The following HTRA4 variants were observed in gnomAD, a reference collection of about 807,000 sequenced individuals.
HTRA4 encodes the protein HtrA serine peptidase 4, also known as serine protease HTRA4.
A neutral mutation model predicts 49.1 loss-of-function variants in HTRA4; 46 were observed. That is an observed-to-expected ratio of 0.94 (90% confidence interval 0.74 to 1.20). The LOEUF (loss-of-function observed/expected upper bound fraction) is 1.20. Among genes scored for constraint, HTRA4 ranks in the 50% most tolerant of loss-of-function variants. The probability of loss-of-function intolerance (pLI) is 0.00; values close to 1 mark genes in which losing one functional copy is unlikely to be tolerated. For missense variants in HTRA4, 602 were observed against 636.9 expected, an observed-to-expected ratio of 0.95 and a Z score of 0.59; for synonymous variants, 261 against 264.0, an observed-to-expected ratio of 0.99 and a Z score of 0.11.
intron 8 of HTRA4, among the ~76,000 whole-genome samples, chr8:38,986,667 C>T (rs1835485997): frequency 6.6e-6 from 1 of 152,214 alleles, no homozygotes; most frequent in Non-Finnish European, 1.5e-5. Context: ...GGTTCATTAA[C>T]TTGTAGAACG....
At chr8:38,987,211 A>C (rs1835492310) in intron 8 of HTRA4, among the ~76,000 whole-genome samples, 1 of 151,972 alleles carries the variant, frequency 6.6e-6, no homozygotes. Context: ...TTCCTTTTTC[A>C]GCCTATTTTC....
Position 38,981,874 on chromosome 8 carries a change from A to C in HTRA4, c.1114+107A>C, listed in dbSNP as rs531304747. On this transcript the variant is annotated intron_variant, in intron 6 of 8. Coordinates refer to ENST00000302495, the MANE Select transcript of HTRA4 (RefSeq NM_153692.4). The stretch of plus-strand genomic sequence containing the variant: ...TTTTTTGTTTTTGTTTTTGAGACAG[A>C]ATTTTGCTCGTCATCCAGGTTGGAG... The C allele has an allele frequency of 9.0e-6, 7 of 781,112 alleles. No homozygotes were observed. The East Asian group carries it at 1.8e-4, about 20-fold the overall frequency. The allele number at this position is 781,112 out of a possible 1,614,324, so 48.4% of individuals were successfully genotyped here.
Position 38,975,027 on chromosome 8 carries a change from A to G in HTRA4, c.467-4A>G, listed in dbSNP as rs1355148413. ...CGTACTCTTGAGCCAGTATTTTTTC[A>G]TAGGGACCAGAAGCGCAGGCCCGCT... On this transcript the variant is annotated splice_region_variant and splice_polypyrimidine_tract_variant and intron_variant, in intron 1 of 8. Transcript: ENST00000302495. 6.2e-7 allele frequency: 1 copy of G among 1,613,814 alleles called. No individual in the cohort carries two copies.
At chr8:38,986,975 C>T (rs1174269188) in intron 8 of HTRA4, among the ~76,000 whole-genome samples, 1 of 152,226 alleles carries the variant, frequency 6.6e-6, no homozygotes, top group Non-Finnish European at 1.5e-5. Flanking sequence ...ATTAAGTTCT[C>T]TATAAGTTCT....
chr8:38,977,982 A>C lies in HTRA4; in HGVS notation c.801A>C (p.Arg267Ser). The C allele has an allele frequency of 6.2e-7, 1 of 1,614,116 alleles. No individual in the cohort carries two copies. Among genetic ancestry groups the C allele is most frequent in the Non-Finnish European group, 8.5e-7 (1 of 1,180,016 alleles). The part of the protein sequence containing the change: ...NAELPVLMLG[R>S]SSDLRAGEFV... Reference sequence around the variant, plus strand: ...AACTTCCTGTACTGATGCTGGGAAGATCATCTGACCTTCGGGCTGGAGAGT... The same window carrying C: ...AACTTCCTGTACTGATGCTGGGAAGCTCATCTGACCTTCGGGCTGGAGAGT... The change falls in exon 4 of 9, where the codon AGA (arginine) becomes AGC (serine). Residue 267 changes from arginine to serine, a missense_variant. Physicochemically the swap from Arg to Ser is moderately radical, Grantham distance 110. Transcript: ENST00000302495.
chr8:38,980,682 G>A (rs1014711040), intron 5 of HTRA4, among the ~76,000 whole-genome samples: 1 of 151,768 alleles, frequency 6.6e-6, no homozygotes, highest in African/African-American at 2.4e-5. Flanking sequence ...AGGTTGCAAT[G>A]AGCCAAGGTT....
In HTRA4 at chr8:38,984,813, A is replaced by G. The variant is rs1345935035; in HGVS notation, c.1268+1765A>G. 2.0e-5 allele frequency among the ~76,000 whole-genome samples: 3 copies of G among 152,132 alleles called. No homozygotes were observed. In the East Asian group the frequency reaches 5.8e-4, roughly 29 times the overall value. ...GTGGTTTGCACCTGTGGTCCCAGTT[A>G]CTTGGGGAGGTCGAGATGGGAGGAT... On this transcript the variant is annotated intron_variant, in intron 8 of 8. Coordinates refer to ENST00000302495, the MANE Select transcript of HTRA4 (RefSeq NM_153692.4).
chr8:38,975,002 C>G, intron 1 of HTRA4, 29 bp from the exon 2 acceptor site: 2 of 1,608,568 alleles, frequency 1.2e-6, no homozygotes. Flanking sequence ...TCCCTCGAGG[C>G]GTACTCTTGA....
At chr8:38,978,304 A>G (rs10100675) in intron 4 of HTRA4, among the ~76,000 whole-genome samples, 157 bp downstream of exon 4, 116,477 of 152,098 alleles carry the variant, frequency 0.77, 44,851 homozygotes, top group East Asian at 0.95. Flanking sequence ...GGCGGCATTA[A>G]ATTCTCATAG....
In HTRA4 at chr8:38,974,471, C is replaced by G. The variant is rs749398598; in HGVS notation, c.208C>G (p.Arg70Gly). The G allele has an allele frequency of 9.8e-6, 15 of 1,528,134 alleles. No homozygotes were observed. The African/African-American group carries it at 1.7e-4, about 17-fold the overall frequency. The allele number at this position is 1,528,134 out of a possible 1,614,324, so 94.7% of individuals were successfully genotyped here. ...GGTGTTCGACCTGTGCCGCTGTTGC[C>G]GCGTCTGCCCCGCGGCCGAGCGTGA... The part of the protein sequence containing the change: ...TPVFDLCRCC[R>G]VCPAAEREVC... Residue 70 changes from arginine to glycine, a missense_variant, in exon 1 of 9, where the codon CGC becomes GGC. Arg to Gly is a moderately radical substitution (Grantham distance 125, BLOSUM62 -2). Transcript: ENST00000302495.
chr8:38,981,111 G>C (rs1205233679), intron 5 of HTRA4, among the ~76,000 whole-genome samples: 1 of 111,294 alleles, frequency 9.0e-6, no homozygotes, highest in Non-Finnish European at 1.7e-5. Context: ...ACGGAGTCTC[G>C]CTAGGTCGCC....
chr8:38,975,115 T>G lies in HTRA4; in HGVS notation c.551T>G (p.Val184Gly). ...VEKVAPSVVH[V>G]QLWGRLLHGS... ...AAGGTGGCGCCATCGGTGGTTCACG[T>G]GCAGCTGTGGGGCAGGTAAAGGAGG... The change falls in exon 2 of 9, where the codon GTG becomes GGG. Residue 184 changes from valine (V) to glycine (G), a missense_variant. By Grantham distance (109) the Val-to-Gly change is moderately radical (BLOSUM62 -3). Transcript: ENST00000302495. 6.2e-7 allele frequency: 1 copy of G among 1,613,718 alleles called. No homozygotes were observed. Among genetic ancestry groups the G allele is most frequent in the Non-Finnish European group, 8.5e-7 (1 of 1,179,996 alleles).
In HTRA4 at chr8:38,974,659, A is replaced by G; in HGVS notation, c.396A>G (p.Glu132=). The G allele has an allele frequency of 7.1e-7, 1 of 1,402,818 alleles. No individual in the cohort carries two copies. Among genetic ancestry groups the G allele is most frequent in the South Asian group, 1.6e-5 (1 of 62,304 alleles). 86.9% of individuals were successfully genotyped at this position (1,402,818 alleles called of 1,614,324 possible). A position where few individuals can be genotyped will look rare whatever the true frequency, so the allele number is the denominator to read the frequency against. Residue 132 remains glutamate, a synonymous_variant, in exon 1 of 9, where the codon GAA becomes GAG. Transcript: ENST00000302495. ...TYPSMCALRA[E]NRAARRLGKV... ...CCAGCATGTGCGCGCTCCGGGCCGA[A>G]AACCGCGCCGCGCGCCGCCTGGGCA...
At chr8:38,981,119 G>T (rs1835417722) in intron 5 of HTRA4, among the ~76,000 whole-genome samples, 1 of 110,516 alleles carries the variant, frequency 9.0e-6, no homozygotes, top group Non-Finnish European at 1.7e-5. Flanking sequence ...TCGCTAGGTC[G>T]CCCAGGCCGG....
chr8:38,981,515 C>A (rs186643760), intron 5 of HTRA4, 138 bp from the exon 6 acceptor site: 3 of 632,146 alleles, frequency 4.7e-6, no homozygotes, highest in African/African-American at 1.8e-5. Context: ...CCGTTGCTCT[C>A]TTTTGAAGTA....
rs750888211 is a variant in HTRA4, at chr8:38,988,135, A to C, written c.*37A>C. 24 of 1,505,732 alleles carry C rather than the reference A, an allele frequency of 1.6e-5. No individual in the cohort carries two copies. The South Asian group carries it at 1.7e-4, about 10-fold the overall frequency. The allele number at this position is 1,505,732 out of a possible 1,614,324, so 93.3% of individuals were successfully genotyped here. ...TAAAGTGGGATTATCTAAAAAAAAA[A>C]AAACCAGTTATATCACGTGGTTTGT... On this transcript the variant is annotated 3_prime_UTR_variant, in exon 9 of 9. Transcript: ENST00000302495.
intron 2 of HTRA4, among the ~76,000 whole-genome samples, chr8:38,976,191 C>G (rs1835349041): frequency 6.6e-6 from 1 of 152,186 alleles, no homozygotes; most frequent in Non-Finnish European, 1.5e-5. Flanking sequence ...GCGGGTGGAT[C>G]ACCTGAGGTC....
At chr8:38,987,686 A>C (rs972295973) in intron 8 of HTRA4, among the ~76,000 whole-genome samples, 12 of 152,346 alleles carry the variant, frequency 7.9e-5, no homozygotes, top group Admixed American at 1.3e-4. Flanking sequence ...TGGGAGGAGT[A>C]AACTTCTCAC....
Position 38,988,643 on chromosome 8 carries a change from TA to T in HTRA4, c.*550del, listed in dbSNP as rs981351831. The T allele has an allele frequency of 7.7e-6, 1 of 130,012 alleles. No individual in the cohort carries two copies. The highest frequency in any genetic ancestry group is 3.2e-5 in the African/African-American group (1 of 31,658). 8.1% of individuals were successfully genotyped at this position (130,012 alleles called of 1,614,324 possible). ...GCATATGTACCTCAGAACTTAAAAATAAAAATAAAAAGAAAAATGGTAATGT... is the reference window on the plus strand; with the variant it reads ...GCATATGTACCTCAGAACTTAAAAATAAAATAAAAAGAAAAATGGTAATGT... On this transcript the variant is annotated 3_prime_UTR_variant, in exon 9 of 9. Coordinates refer to ENST00000302495, the MANE Select transcript of HTRA4 (RefSeq NM_153692.4).
Sources: allele counts gnomAD v4.1 joint callset (sites outside exome capture counted in the v4.1 genomes callset), GRCh38; gene constraint gnomAD v4.1.1; transcripts MANE v1.5; gene names NCBI Gene and HGNC (gene_info 2026-07-23, HGNC 2026-07-21).